The following DTNB variants were observed in gnomAD, a reference collection of about 807,000 sequenced individuals.
DTNB encodes DTN-B.
In DTNB, 63 loss-of-function variants were observed where a neutral mutation model predicts 90.7. The ratio of observed to expected loss-of-function variants is 0.69; its 90% CI spans 0.57 to 0.86. The LOEUF (loss-of-function observed/expected upper bound fraction) is 0.86, where lower values mean the gene tolerates loss of function less well. DTNB is among the 40% of genes least tolerant of loss of function. The pLI, the probability that DTNB is intolerant of heterozygous loss-of-function variation, is 0.00. For synonymous variants in DTNB, 277 were observed against 286.7 expected, an observed-to-expected ratio of 0.97 and a Z score of 0.34; for missense variants, 744 against 807.1, an observed-to-expected ratio of 0.92 and a Z score of 0.95.
At chr2:25,653,255 T>C (rs1401893647) in intron 1 of DTNB, 1 of 152,240 alleles carries the variant, frequency 6.6e-6, no homozygotes, top group Non-Finnish European at 1.5e-5. Flanking sequence ...CCCGTGCTAT[T>C]CTCGTGACAG....
intron 18 of DTNB, chr2:25,386,195 A>G (rs1166827196): frequency 2.4e-6 from 2 of 829,950 alleles, no homozygotes; most frequent in Non-Finnish European, 2.9e-6. Context: ...TGGGCTATAC[A>G]CTCACTTTGG....
chr2:25,438,692 T>A (rs1445797189), intron 12 of DTNB, among the ~76,000 whole-genome samples: 1 of 152,224 alleles, frequency 6.6e-6, no homozygotes. Context: ...TAACTCCCCA[T>A]TCCTTAAGAG....
chr2:25,403,266 C>G (rs1226471865), intron 16 of DTNB, among the ~76,000 whole-genome samples: 1 of 152,202 alleles, frequency 6.6e-6, no homozygotes, highest in Non-Finnish European at 1.5e-5. Flanking sequence ...CGGGCGCCCG[C>G]CACCACACCC....
intron 6 of DTNB, among the ~76,000 whole-genome samples, chr2:25,593,560 T>C (rs1053200916): frequency 6.6e-6 from 1 of 152,184 alleles, no homozygotes; most frequent in Non-Finnish European, 1.5e-5. Flanking sequence ...TTTTCCAAAT[T>C]TGACATATAC....
At chr2:25,584,224 T>G (rs2062006430) in intron 6 of DTNB, among the ~76,000 whole-genome samples, 2 of 152,162 alleles carry the variant, frequency 1.3e-5, no homozygotes, top group Admixed American at 1.3e-4. Context: ...ACAGTGGGGT[T>G]TTCCAGAGAC....
chr2:25,526,395 A>ATATATATAT, intron 9 of DTNB, among the ~76,000 whole-genome samples: 20 of 49,822 alleles, frequency 4.0e-4, no homozygotes, highest in African/African-American at 1.1e-3. Flanking sequence ...ATATATATAT[A>ATATATATAT]TTTTTTTTTT....
chr2:25,432,432 TTCA>T (rs567924428), intron 14 of DTNB, among the ~76,000 whole-genome samples: 299 of 152,274 alleles, frequency 2.0e-3, no homozygotes, highest in African/African-American at 6.8e-3. Flanking sequence ...GTGCAAGGGT[TTCA>T]TGTCTCAGAG....
At chr2:25,566,629 T>C (rs73922424) in intron 8 of DTNB, among the ~76,000 whole-genome samples, 11,562 of 152,210 alleles carry the variant, frequency 0.076, 1,401 homozygotes, top group African/African-American at 0.26. Context: ...GTCACCCTAA[T>C]AGTCAATCCC....
chr2:25,665,562 G>GTTACA (rs891084632), intron 1 of DTNB, among the ~76,000 whole-genome samples: 56 of 152,054 alleles, frequency 3.7e-4, no homozygotes, highest in Admixed American at 3.5e-3. Context: ...GGAGGTAGAG[G>GTTACA]TTACAATGAG....
At chr2:25,607,369 A>C (rs535180055) in intron 4 of DTNB, 48 bp from the exon 5 acceptor site, 2 of 1,539,046 alleles carry the variant, frequency 1.3e-6, no homozygotes, top group African/African-American at 2.7e-5. Context: ...AAACCACAAA[A>C]GGACTCGAAT....
intron 12 of DTNB, among the ~76,000 whole-genome samples, chr2:25,440,453 G>A (rs985171199): frequency 2.0e-5 from 3 of 152,188 alleles, no homozygotes; most frequent in African/African-American, 4.8e-5. Context: ...CTCTTGCATC[G>A]TAAGTTAGTA....
At chr2:25,516,647 T>C (rs2075176301) in intron 9 of DTNB, among the ~76,000 whole-genome samples, 1 of 151,814 alleles carries the variant, frequency 6.6e-6, no homozygotes, top group Non-Finnish European at 1.5e-5. Flanking sequence ...CCCAGCACTT[T>C]GGGAGGCTGA....
chr2:25,650,101 A>G, intron 2 of DTNB: 2 of 985,484 alleles, frequency 2.0e-6, no homozygotes, highest in Non-Finnish European at 2.4e-6. Context: ...GAGTAGTAAC[A>G]TTCACAAAGA....
At chr2:25,620,117 G>C (rs1378240970) in intron 4 of DTNB, among the ~76,000 whole-genome samples, 1 of 152,150 alleles carries the variant, frequency 6.6e-6, no homozygotes, top group East Asian at 1.9e-4. Context: ...AGGAGACTGG[G>C]TAATCCCAGA....
rs567821994 is a variant in DTNB at position 25,458,836 on chromosome 2, G to A, written c.1080-3342C>T. Among the ~76,000 whole-genome samples the A allele has an allele frequency of 6.6e-5, 10 of 152,074 alleles. No homozygotes were observed. The South Asian group carries it at 1.9e-3, about 28-fold the overall frequency. On this transcript the variant is annotated intron_variant, in intron 10 of 20. Coordinates refer to ENST00000406818, the MANE Select transcript of DTNB (RefSeq NM_021907.5). ...ACTTTTTTGTATTTTTAGTAGAGAC[G>A]GGGTTTCACCGTGTTAGCCAGGATG... is the stretch of plus-strand genomic sequence containing the variant.
intron 8 of DTNB, among the ~76,000 whole-genome samples, chr2:25,563,042 T>C (rs1390397482): frequency 4.3e-4 from 66 of 152,204 alleles, no homozygotes; most frequent in Admixed American, 4.3e-3. Flanking sequence ...AGTGCTGGGA[T>C]TACAGGCATG....
At chr2:25,583,848 T>C (rs1391268728) in intron 6 of DTNB, among the ~76,000 whole-genome samples, 2 of 151,896 alleles carry the variant, frequency 1.3e-5, no homozygotes, top group African/African-American at 4.8e-5. Flanking sequence ...ATCTTCAAGA[T>C]GACAAGGTAG....
intron 1 of DTNB, among the ~76,000 whole-genome samples, chr2:25,655,107 G>C (rs2081811123): frequency 6.6e-6 from 1 of 152,208 alleles, no homozygotes; most frequent in African/African-American, 2.4e-5. Flanking sequence ...GCCAGCATCT[G>C]CATTTCTTTG....
At chr2:25,614,329 G>A (rs376203759) in intron 4 of DTNB, among the ~76,000 whole-genome samples, 9 of 152,060 alleles carry the variant, frequency 5.9e-5, no homozygotes, top group African/African-American at 2.2e-4. Context: ...AACCCAGCTG[G>A]TGAAATAAGA....
Sources: allele counts gnomAD v4.1 joint callset (sites outside exome capture counted in the v4.1 genomes callset), GRCh38; gene constraint gnomAD v4.1.1; transcripts MANE v1.5; gene names NCBI Gene and HGNC (gene_info 2026-07-23, HGNC 2026-07-21).